Variants in CFAP95 observed in about 807,000 individuals in gnomAD.
CFAP95 encodes the protein cilia and flagella associated protein 95, also known as cilia- and flagella-associated protein 95.
the CFAP95 span, among the ~76,000 whole-genome samples, chr9:69,860,435 A>G: frequency 3.9e-5 from 6 of 151,976 alleles, no homozygotes; most frequent in Middle Eastern, 3.4e-3. Context: ...TGAGGTATCC[A>G]CCCCCATGAC....
At chr9:69,835,282 T>C in the CFAP95 span, among the ~76,000 whole-genome samples, 15,071 of 152,282 alleles carry the variant, frequency 0.099, 862 homozygotes, top group South Asian at 0.18. Context: ...TAAACATCTT[T>C]GAAATCTGCA....
the CFAP95 span, among the ~76,000 whole-genome samples, chr9:69,845,846 A>C: frequency 7.4e-4 from 112 of 152,244 alleles, no homozygotes; most frequent in African/African-American, 2.2e-3. Flanking sequence ...CCCAGATCTC[A>C]GGGGAATCTG....
At chr9:69,895,846 A>C in the CFAP95 span, among the ~76,000 whole-genome samples, 1 of 152,024 alleles carries the variant, frequency 6.6e-6, no homozygotes, top group Admixed American at 6.6e-5. Flanking sequence ...CTCAGACTGG[A>C]GTGCAGTGGA....
At chr9:69,843,414 T>C in the CFAP95 span, among the ~76,000 whole-genome samples, 1 of 145,036 alleles carries the variant, frequency 6.9e-6, no homozygotes, top group Non-Finnish European at 1.5e-5. Context: ...TTTCCTTCTC[T>C]ACCCCCAAAT....
At chr9:69,875,382 CAGTGT>C in the CFAP95 span, among the ~76,000 whole-genome samples, 1 of 152,082 alleles carries the variant, frequency 6.6e-6, no homozygotes. Context: ...TTTGCATACT[CAGTGT>C]AGTTAATCTA....
At chr9:69,866,031 C>G in the CFAP95 span, among the ~76,000 whole-genome samples, 2 of 152,128 alleles carry the variant, frequency 1.3e-5, no homozygotes, top group Admixed American at 6.6e-5. Flanking sequence ...AGGATTTGAG[C>G]TGAGATAGTT....
At chr9:69,879,833 AT>A in the CFAP95 span, among the ~76,000 whole-genome samples, 1 of 151,256 alleles carries the variant, frequency 6.6e-6, no homozygotes, top group Admixed American at 6.6e-5. Context: ...GAAATTTGCC[AT>A]GCCAAACCAT....
At chr9:69,836,341 T>C in the CFAP95 span, among the ~76,000 whole-genome samples, 1 of 152,174 alleles carries the variant, frequency 6.6e-6, no homozygotes, top group East Asian at 1.9e-4. Flanking sequence ...TTCTCTGTGG[T>C]TGGGGGCTGT....
the CFAP95 span, among the ~76,000 whole-genome samples, chr9:69,847,276 G>C: frequency 6.6e-6 from 1 of 152,176 alleles, no homozygotes; most frequent in Non-Finnish European, 1.5e-5. Flanking sequence ...TCCATTAAAA[G>C]TGCTTCATTT....
At chr9:69,858,009 A>G in the CFAP95 span, 12 of 1,597,494 alleles carry the variant, frequency 7.5e-6, no homozygotes, top group Admixed American at 1.0e-4. Context: ...ACAACTGTAC[A>G]AAATGTTTCT....
the CFAP95 span, among the ~76,000 whole-genome samples, chr9:69,897,623 T>A: frequency 6.6e-6 from 1 of 151,908 alleles, no homozygotes; most frequent in Admixed American, 6.6e-5. Flanking sequence ...TTGAAAAAAA[T>A]CAGCTAAGGA....
At chr9:69,829,482 T>C in the CFAP95 span, among the ~76,000 whole-genome samples, 2 of 152,164 alleles carry the variant, frequency 1.3e-5, no homozygotes, top group South Asian at 4.1e-4. Context: ...GAAGAGGCAT[T>C]TCACCACACG....
At chr9:69,828,509 A>G in the CFAP95 span, among the ~76,000 whole-genome samples, 2 of 152,056 alleles carry the variant, frequency 1.3e-5, no homozygotes, top group South Asian at 2.1e-4. Flanking sequence ...GTGAAACCCA[A>G]TCTCTACCAA....
At chr9:69,856,612 G>A in the CFAP95 span, 1 of 1,612,788 alleles carries the variant, frequency 6.2e-7, no homozygotes. Flanking sequence ...CACAGAATGG[G>A]TTGAAATGAA....
At chr9:69,890,788 C>T in the CFAP95 span, among the ~76,000 whole-genome samples, 37 of 152,242 alleles carry the variant, frequency 2.4e-4, no homozygotes, top group Middle Eastern at 6.8e-3. Flanking sequence ...TGGTCTCTTA[C>T]GTTTCCTTAA....
At chr9:69,854,864 G>A in the CFAP95 span, among the ~76,000 whole-genome samples, 1 of 152,194 alleles carries the variant, frequency 6.6e-6, no homozygotes, top group Non-Finnish European at 1.5e-5. Context: ...TACAGCTGTA[G>A]GTTGTTCTGA....
the CFAP95 span, among the ~76,000 whole-genome samples, chr9:69,851,554 C>G: frequency 1.3e-5 from 2 of 152,032 alleles, no homozygotes; most frequent in Admixed American, 1.3e-4. Context: ...CTTTTCCTTT[C>G]CCCCAGACAA....
chr9:69,849,453 G>T, the CFAP95 span, among the ~76,000 whole-genome samples: 3 of 152,140 alleles, frequency 2.0e-5, no homozygotes, highest in African/African-American at 7.2e-5. Flanking sequence ...ACTTTGCCAG[G>T]CATAATGCTA....
the CFAP95 span, among the ~76,000 whole-genome samples, chr9:69,884,852 T>A: frequency 8.2e-6 from 1 of 122,680 alleles, no homozygotes; most frequent in Admixed American, 7.9e-5. Flanking sequence ...CTATTAGATT[T>A]GTCTTTAAAA....
Sources: allele counts gnomAD v4.1 joint callset (sites outside exome capture counted in the v4.1 genomes callset), GRCh38; gene constraint gnomAD v4.1.1; transcripts MANE v1.5; gene names NCBI Gene and HGNC (gene_info 2026-07-23, HGNC 2026-07-21).